Variants in RNF10 observed in about 807,000 individuals in gnomAD.
RNF10 encodes the protein ring finger protein 10, also known as E3 ubiquitin-protein ligase RNF10.
In RNF10, 38 loss-of-function variants were observed where a neutral mutation model predicts 91.4. That is an observed-to-expected ratio of 0.42 (90% CI 0.32 to 0.54). RNF10 has a LOEUF of 0.54. Ranked by LOEUF, RNF10 falls within the 20% of genes least tolerant of loss-of-function variation. The pLI is 0.16. For synonymous variants in RNF10, 364 were observed against 366.3 expected, an observed-to-expected ratio of 0.99 and a Z score of 0.07; for missense variants, 945 against 1,012.0, an observed-to-expected ratio of 0.93 and a Z score of 0.90.
intron 9 of RNF10, 68 bp downstream of exon 9, chr12:120,563,691 C>A (rs555304549): frequency 4.5e-5 from 71 of 1,569,836 alleles, no homozygotes; most frequent in South Asian, 3.1e-4. Flanking sequence ...GTGCTCTAAG[C>A]AGAGGAGCGC....
At chr12:120,564,555 A>T (rs1056611844) in intron 10 of RNF10, among the ~76,000 whole-genome samples, 4 of 152,102 alleles carry the variant, frequency 2.6e-5, no homozygotes, top group Non-Finnish European at 5.9e-5. Context: ...AGCTGGGGAG[A>T]TCAAGTCTGC....
chr12:120,537,113 A>T (rs150729346), intron 1 of RNF10, among the ~76,000 whole-genome samples: 42 of 152,000 alleles, frequency 2.8e-4, no homozygotes, highest in Non-Finnish European at 8.8e-5. Flanking sequence ...CAGGCCGATT[A>T]CTTGAGCCCA....
intron 6 of RNF10, among the ~76,000 whole-genome samples, chr12:120,557,907 T>G (rs1300661986): frequency 6.6e-6 from 1 of 152,214 alleles, no homozygotes; most frequent in Non-Finnish European, 1.5e-5. Context: ...TTACAAGGTT[T>G]TATTACATAG....
chr12:120,560,124 G>A (rs1258928297), intron 6 of RNF10, among the ~76,000 whole-genome samples: 4 of 150,318 alleles, frequency 2.7e-5, no homozygotes. Context: ...GTTGGTTTGA[G>A]CTTTTCTTTT....
intron 1 of RNF10, chr12:120,535,474 A>C (rs1262495196): frequency 6.6e-6 from 1 of 152,196 alleles, no homozygotes. Context: ...TTCAGTGGCT[A>C]TTCATTGTGG....
Position 120,577,328 on chromosome 12 carries a change from C to T in RNF10, c.*662C>T, listed in dbSNP as rs145867367. 375 of 371,826 alleles carry T rather than the reference C, an allele frequency of 1.0e-3. No homozygotes were observed. Among genetic ancestry groups the T allele is most frequent in the Admixed American group, 1.7e-3 (47 of 27,030 alleles). The allele number at this position is 371,826 out of a possible 1,614,324, so 23.0% of individuals were successfully genotyped here. On this transcript the variant is annotated 3_prime_UTR_variant, in exon 17 of 17. Transcript: ENST00000325954. Reference sequence around the variant, plus strand: ...TAAGGAAAGCTGTAACTCACGAAGCCCTGAGACCTGCTACCCCTAAGATCG... The same window carrying T: ...TAAGGAAAGCTGTAACTCACGAAGCTCTGAGACCTGCTACCCCTAAGATCG...
At chr12:120,550,666 G>T (rs566975114) in intron 2 of RNF10, among the ~76,000 whole-genome samples, 1 of 151,116 alleles carries the variant, frequency 6.6e-6, no homozygotes, top group Non-Finnish European at 1.5e-5. Context: ...GCGTGATCTC[G>T]GCTCACTGCC....
chr12:120,564,855 G>A (rs1875438411), intron 10 of RNF10, among the ~76,000 whole-genome samples: 1 of 152,176 alleles, frequency 6.6e-6, no homozygotes, highest in Non-Finnish European at 1.5e-5. Context: ...CTCCTTTGCA[G>A]TACAAACCAA....
rs562942343 is a variant in RNF10 at position 120,534,548 on chromosome 12, G to T, written c.-264G>T. The T allele has an allele frequency of 5.4e-5, 30 of 555,506 alleles. No homozygotes were observed. The highest frequency in any genetic ancestry group is 6.9e-5 in the Non-Finnish European group (27 of 391,398). 34.4% of individuals were successfully genotyped at this position (555,506 alleles called of 1,614,324 possible). On this transcript the variant is annotated 5_prime_UTR_variant, in exon 1 of 17. Coordinates refer to ENST00000325954, the MANE Select transcript of RNF10 (RefSeq NM_014868.5). Reference sequence around the variant, plus strand: ...AACCTCCCTCGCCTCCCCTTCCCCCGCAGCCTCCGCCCCGCCAGGCCCGGC... The same window carrying T: ...AACCTCCCTCGCCTCCCCTTCCCCCTCAGCCTCCGCCCCGCCAGGCCCGGC...
intron 2 of RNF10, among the ~76,000 whole-genome samples, chr12:120,547,123 T>C (rs534452743): frequency 4.6e-5 from 7 of 152,254 alleles, no homozygotes; most frequent in Non-Finnish European, 8.8e-5. Context: ...AAATTACGTT[T>C]CATACCATGC....
chr12:120,576,495 C>T, intron 16 of RNF10, 95 bp from the exon 17 acceptor site: 1 of 1,511,154 alleles, frequency 6.6e-7, no homozygotes, highest in Admixed American at 2.3e-5. Flanking sequence ...AGCCTCCACT[C>T]TTAGCTCCCA....
intron 14 of RNF10, chr12:120,574,323 G>A: frequency 5.1e-6 from 2 of 391,916 alleles, no homozygotes; most frequent in Non-Finnish European, 1.0e-5. Context: ...ATTTTTCCAG[G>A]AATAAAATGT....
chr12:120,576,726 T>G lies in RNF10; in HGVS notation c.*60T>G. 1 of 1,588,126 alleles carries G rather than the reference T, an allele frequency of 6.3e-7. No individual in the cohort carries two copies. The highest frequency in any genetic ancestry group is 8.5e-7 in the Non-Finnish European group (1 of 1,171,072). ...TTTGTTTTTGTTTTTTTTTCCCCCATGCTTTTGTTTGGCTGCTGTAATTTT... is the reference window on the plus strand; with the variant it reads ...TTTGTTTTTGTTTTTTTTTCCCCCAGGCTTTTGTTTGGCTGCTGTAATTTT... On this transcript the variant is annotated 3_prime_UTR_variant, in exon 17 of 17. Coordinates refer to ENST00000325954, the MANE Select transcript of RNF10 (RefSeq NM_014868.5).
At chr12:120,571,143 A>C in intron 13 of RNF10, 48 bp from the exon 14 acceptor site, 1 of 1,283,904 alleles carries the variant, frequency 7.8e-7, no homozygotes, top group East Asian at 2.3e-5. Flanking sequence ...TGTTAAGGAC[A>C]CCCCTTGGAA....
At position 120,534,720 on chromosome 12, in the gene RNF10, C is replaced by T. The variant is rs1332041329; in HGVS notation, c.-92C>T. The T allele has an allele frequency of 2.1e-6, 3 of 1,406,542 alleles. No homozygotes were observed. Among genetic ancestry groups the T allele is most frequent in the Non-Finnish European group, 2.7e-6 (3 of 1,091,822 alleles). The allele number at this position is 1,406,542 out of a possible 1,614,324, so 87.1% of individuals were successfully genotyped here. ...CCATGAAGGCCGAGAACCGCTGCCG[C>T]CGCCGACCCCCGCCGGCCCTGAACG... On this transcript the variant is annotated 5_prime_UTR_variant, in exon 1 of 17. Coordinates refer to ENST00000325954, the MANE Select transcript of RNF10 (RefSeq NM_014868.5).
intron 1 of RNF10, among the ~76,000 whole-genome samples, chr12:120,539,977 GGT>G (rs1266430999): frequency 6.6e-6 from 1 of 151,624 alleles, no homozygotes; most frequent in Non-Finnish European, 1.5e-5. Flanking sequence ...CTGGATTGCA[GGT>G]GTCCACCACC....
Position 120,575,945 on chromosome 12 carries a change from T to C in RNF10, c.2354T>C (p.Leu785Pro). 6.2e-7 allele frequency: 1 copy of C among 1,613,524 alleles called. No individual in the cohort carries two copies. Among genetic ancestry groups the C allele is most frequent in the African/African-American group, 1.3e-5 (1 of 74,992 alleles). The change falls in exon 16 of 17, where the codon CTC becomes CCC. Residue 785 changes from leucine to proline, a missense_variant. Transcript: ENST00000325954. The part of the protein sequence containing the change: ...KLDTPATSDP[L>P]SEEKGGKKRK... ...GACACACCAGCTACTTCAGATCCCC[T>C]CTCTGGTAAGGGCAGAGGCTGGAGT...
intron 2 of RNF10, among the ~76,000 whole-genome samples, chr12:120,551,031 G>A (rs1196205144): frequency 6.6e-6 from 1 of 152,014 alleles, no homozygotes; most frequent in East Asian, 1.9e-4. Context: ...TGTCGCCCAG[G>A]CTGGAGTGCA....
At chr12:120,558,567 G>GTA (rs34444083) in intron 6 of RNF10, among the ~76,000 whole-genome samples, 37,057 of 147,580 alleles carry the variant, frequency 0.25, 5,251 homozygotes, top group East Asian at 0.36. Context: ...AATATAATAT[G>GTA]TATATATATA....
Sources: allele counts gnomAD v4.1 joint callset (sites outside exome capture counted in the v4.1 genomes callset), GRCh38; gene constraint gnomAD v4.1.1; transcripts MANE v1.5; gene names NCBI Gene and HGNC (gene_info 2026-07-23, HGNC 2026-07-21).